The following DOCK3 variants were observed in gnomAD, a reference collection of about 807,000 sequenced individuals.
DOCK3 encodes dedicator of cytokinesis protein 3.
A neutral mutation model predicts 265.6 loss-of-function variants in DOCK3; 60 were observed. The ratio of observed to expected loss-of-function variants is 0.23; its 90% CI spans 0.18 to 0.28. The LOEUF is 0.28. Among genes scored for constraint, DOCK3 ranks in the 10% least tolerant of loss-of-function variants. The probability of loss-of-function intolerance (pLI) is 1.00; values close to 1 mark genes in which losing one functional copy is unlikely to be tolerated. For synonymous variants in DOCK3, 881 were observed against 938.0 expected (o/e 0.94, Z 1.11); for missense variants, 1,981 against 2,594.3 (o/e 0.76, Z 5.14).
intron 31 of DOCK3, among the ~76,000 whole-genome samples, chr3:51,314,336 C>G (rs778976137): frequency 6.6e-6 from 1 of 152,146 alleles, no homozygotes; most frequent in South Asian, 2.1e-4. Context: ...ATGGCACCAT[C>G]AGAAATGCAA....
chr3:51,268,288 A>G (rs1487855813), intron 23 of DOCK3, among the ~76,000 whole-genome samples: 1 of 152,158 alleles, frequency 6.6e-6, no homozygotes, highest in Non-Finnish European at 1.5e-5. Flanking sequence ...TGATTGCACC[A>G]CTGCACTCCA....
rs1251619944 is a variant in DOCK3 at position 51,203,490 on chromosome 3, AACC to A, written c.1038-5281_1038-5279del. ...AAGGACCTCTTCAAGGAGAACTACA[AACC>A]ACTGCTCAGTGAAATTAAAGAGGAT... On this transcript the variant is annotated intron_variant, in intron 12 of 52. Transcript: ENST00000266037. Among the ~76,000 whole-genome samples the A allele has an allele frequency of 3.3e-5, 5 of 152,358 alleles. No homozygotes were observed. The East Asian group carries it at 9.6e-4, about 29-fold the overall frequency.
intron 5 of DOCK3, among the ~76,000 whole-genome samples, chr3:51,052,664 T>C (rs2081037697): frequency 1.3e-5 from 2 of 152,172 alleles, no homozygotes; most frequent in African/African-American, 4.8e-5. Flanking sequence ...TTTTCCTTTA[T>C]TTGCCTTAGC....
At chr3:50,901,837 T>C (rs968533982) in intron 4 of DOCK3, among the ~76,000 whole-genome samples, 1 of 152,178 alleles carries the variant, frequency 6.6e-6, no homozygotes, top group African/African-American at 2.4e-5. Context: ...ATGAACCGTG[T>C]ACCTCACTTG....
intron 1 of DOCK3, among the ~76,000 whole-genome samples, chr3:50,740,956 A>G (rs1422810963): frequency 6.6e-6 from 1 of 152,072 alleles, no homozygotes; most frequent in Non-Finnish European, 1.5e-5. Context: ...TACACCAAAC[A>G]AAAAGTCAAC....
intron 14 of DOCK3, among the ~76,000 whole-genome samples, chr3:51,217,668 A>G (rs577246233): frequency 6.6e-5 from 10 of 152,268 alleles, no homozygotes; most frequent in African/African-American, 2.4e-4. Flanking sequence ...ATTTTTTTTA[A>G]GAAGATGGGC....
intron 38 of DOCK3, among the ~76,000 whole-genome samples, chr3:51,347,819 C>T (rs2110163232): frequency 6.6e-6 from 1 of 152,228 alleles, no homozygotes; most frequent in East Asian, 1.9e-4. Context: ...TTTTGTTGAG[C>T]AGTGGTTTGT....
At chr3:51,066,036 C>G (rs1195387902) in intron 6 of DOCK3, among the ~76,000 whole-genome samples, 1 of 152,064 alleles carries the variant, frequency 6.6e-6, no homozygotes, top group Non-Finnish European at 1.5e-5. Flanking sequence ...GAATAAGATG[C>G]CATGTAAAAG....
intron 1 of DOCK3, among the ~76,000 whole-genome samples, chr3:50,726,981 T>C (rs2108074660): frequency 6.6e-6 from 1 of 152,236 alleles, no homozygotes; most frequent in African/African-American, 2.4e-5. Flanking sequence ...TCAGCTGTCT[T>C]AAATATACAC....
At chr3:50,880,709 C>G (rs1241332683) in intron 3 of DOCK3, 2 of 152,292 alleles carry the variant, frequency 1.3e-5, no homozygotes, top group Non-Finnish European at 1.5e-5. Context: ...CAAAGAGGAG[C>G]TGGTACCATT....
At chr3:50,958,349 A>ATCAT (rs1339308953) in intron 5 of DOCK3, among the ~76,000 whole-genome samples, 3 of 152,164 alleles carry the variant, frequency 2.0e-5, no homozygotes, top group African/African-American at 7.2e-5. Context: ...GATGAGCCAA[A>ATCAT]TCATTCCACC....
chr3:50,914,447 C>A (rs2050017060), intron 4 of DOCK3, among the ~76,000 whole-genome samples: 1 of 152,010 alleles, frequency 6.6e-6, no homozygotes. Context: ...TTCACTTTTT[C>A]ATTGAGACAT....
rs963344094 is a variant in DOCK3 at position 51,277,828 on chromosome 3, C to G, written c.2823+74C>G. ...CTTCTCCACAACACTCCCCCTCCAT[C>G]TTACCATCCCACCACCTTCATCTCA... is the stretch of plus-strand genomic sequence containing the variant. On this transcript the variant is annotated intron_variant, in intron 26 of 52. Transcript: ENST00000266037. 4.5e-6 allele frequency: 7 copies of G among 1,552,132 alleles called. No homozygotes were observed. The Admixed American group carries it at 5.9e-5, about 13-fold the overall frequency.
chr3:51,374,071 C>T lies in DOCK3; in HGVS notation c.5294-398C>T, dbSNP rs1175738838. Among the ~76,000 whole-genome samples, 1 of 152,198 alleles carries T rather than the reference C, an allele frequency of 6.6e-6. No individual in the cohort carries two copies. Among genetic ancestry groups the T allele is most frequent in the African/African-American group, 2.4e-5 (1 of 41,442 alleles). Reference sequence around the variant, plus strand: ...GTCTCTGTCTCTGTGTGAGTGTCTCCATTGCAAGCTGGCCTGTTCCCATGC... The same window carrying T: ...GTCTCTGTCTCTGTGTGAGTGTCTCTATTGCAAGCTGGCCTGTTCCCATGC... On this transcript the variant is annotated intron_variant, in intron 49 of 52. Transcript: ENST00000266037. The surrounding 1 kb of genome is among the most constrained non-coding windows in gnomAD (Gnocchi z 4.8).
At chr3:50,685,208 C>T (rs2034699257) in intron 1 of DOCK3, among the ~76,000 whole-genome samples, 1 of 152,132 alleles carries the variant, frequency 6.6e-6, no homozygotes, top group Non-Finnish European at 1.5e-5. Flanking sequence ...CTTTACTTTC[C>T]TACTTTTGAG....
intron 5 of DOCK3, among the ~76,000 whole-genome samples, chr3:51,022,473 A>C (rs1159765110): frequency 6.6e-6 from 1 of 151,866 alleles, no homozygotes; most frequent in East Asian, 1.9e-4. Context: ...CTTCTGCTCC[A>C]TTTTTCTTTC....
intron 13 of DOCK3, among the ~76,000 whole-genome samples, chr3:51,210,555 C>T (rs1450268786): frequency 6.6e-6 from 1 of 152,160 alleles, no homozygotes; most frequent in Non-Finnish European, 1.5e-5. Flanking sequence ...GGATAGAACC[C>T]AGGTCTCCAG....
chr3:50,807,559 C>T (rs1192461655), intron 2 of DOCK3, among the ~76,000 whole-genome samples: 1 of 152,106 alleles, frequency 6.6e-6, no homozygotes, highest in African/African-American at 2.4e-5. Context: ...CCTGCTATCA[C>T]CACATCTGTT....
intron 5 of DOCK3, among the ~76,000 whole-genome samples, chr3:51,063,155 A>G (rs1385087854): frequency 6.6e-6 from 1 of 152,108 alleles, no homozygotes; most frequent in Non-Finnish European, 1.5e-5. Flanking sequence ...GGCTGAAGCA[A>G]GAGGATTACT....
Sources: allele counts gnomAD v4.1 joint callset (sites outside exome capture counted in the v4.1 genomes callset), GRCh38; gene constraint gnomAD v4.1.1; non-coding constraint Gnocchi (gnomAD v3.1); transcripts MANE v1.5; gene names NCBI Gene and HGNC (gene_info 2026-07-23, HGNC 2026-07-21).